AK5: variants seen among roughly 807,000 people sequenced by gnomAD.
The protein encoded by AK5 is adenylate kinase isoenzyme 5.
AK5 carries 27 observed loss-of-function variants against 69.5 expected under a neutral mutation model. That is an observed-to-expected ratio of 0.39 (90% CI 0.29 to 0.54). The LOEUF is 0.54. Ranked by LOEUF, AK5 falls within the 20% of genes least tolerant of loss-of-function variation. The probability of loss-of-function intolerance (pLI) is 0.71; values close to 1 mark genes in which losing one functional copy is unlikely to be tolerated. For synonymous variants in AK5, 260 were observed against 244.4 expected, an observed-to-expected ratio of 1.06 and a Z score of -0.60; for missense variants, 531 against 700.4, an observed-to-expected ratio of 0.76 and a Z score of 2.73.
chr1:77,364,500 C>A (rs964153831), intron 6 of AK5, among the ~76,000 whole-genome samples: 6 of 151,972 alleles, frequency 3.9e-5, no homozygotes, highest in Non-Finnish European at 8.8e-5. Context: ...ATTTTGTAGC[C>A]CTTAACAAAT....
chr1:77,516,174 C>A (rs1657630512), intron 10 of AK5, among the ~76,000 whole-genome samples: 1 of 152,172 alleles, frequency 6.6e-6, no homozygotes, highest in Non-Finnish European at 1.5e-5. Context: ...TTTGTGACAA[C>A]ATATTGGAAG....
At chr1:77,458,349 T>A (rs775741033) in intron 8 of AK5, among the ~76,000 whole-genome samples, 1 of 152,154 alleles carries the variant, frequency 6.6e-6, no homozygotes, top group Non-Finnish European at 1.5e-5. Context: ...ACAGTGACCC[T>A]CCTGTGCACC....
At chr1:77,464,180 A>C (rs1294149980) in intron 8 of AK5, among the ~76,000 whole-genome samples, 1 of 152,122 alleles carries the variant, frequency 6.6e-6, no homozygotes, top group Non-Finnish European at 1.5e-5. Context: ...AGACAGTTTT[A>C]ATGGGTGAAA....
rs547034433 is a variant in AK5 at position 77,488,644 on chromosome 1, G to A, written c.1147+2292G>A. The stretch of plus-strand genomic sequence containing the variant: ...GGAGCAAGGAGAGCCAGTCCGAGTC[G>A]CAAAACTGAAGAACTTGGAGTTTGA... On this transcript the variant is annotated intron_variant, in intron 10 of 13. Coordinates refer to ENST00000354567, the MANE Select transcript of AK5 (RefSeq NM_174858.3). Among the ~76,000 whole-genome samples the A allele has an allele frequency of 5.3e-5, 8 of 152,306 alleles. No individual in the cohort carries two copies. The East Asian group carries it at 5.8e-4, about 11-fold the overall frequency.
At chr1:77,476,549 C>G (rs1654945901) in intron 8 of AK5, among the ~76,000 whole-genome samples, 1 of 152,178 alleles carries the variant, frequency 6.6e-6, no homozygotes, top group Admixed American at 6.5e-5. Context: ...ATCTTCGTTT[C>G]TATTCATATG....
At chr1:77,475,425 T>TTA (rs5775406) in intron 8 of AK5, among the ~76,000 whole-genome samples, 50 of 2,636 alleles carry the variant, frequency 0.019, 2 homozygotes, top group South Asian at 0.036. Context: ...ATACTATATA[T>TTA]TATATATATG....
At chr1:77,527,603 C>T (rs1477545113) in intron 12 of AK5, among the ~76,000 whole-genome samples, 2 of 152,208 alleles carry the variant, frequency 1.3e-5, no homozygotes, top group African/African-American at 2.4e-5. Flanking sequence ...AGATTTTAGA[C>T]ATCTACAAAG....
At chr1:77,325,520 G>A (rs1660755685) in intron 5 of AK5, among the ~76,000 whole-genome samples, 1 of 151,976 alleles carries the variant, frequency 6.6e-6, no homozygotes, top group Admixed American at 6.6e-5. Flanking sequence ...AAGTTGCTGG[G>A]GAAAGACAAC....
chr1:77,363,212 G>C (rs1281040206), intron 6 of AK5, among the ~76,000 whole-genome samples: 1 of 152,120 alleles, frequency 6.6e-6, no homozygotes, highest in Non-Finnish European at 1.5e-5. Flanking sequence ...CTCCATTTCT[G>C]TTGGTGGCAC....
intron 8 of AK5, among the ~76,000 whole-genome samples, chr1:77,452,846 A>G (rs1282371044): frequency 6.6e-6 from 1 of 152,234 alleles, no homozygotes; most frequent in African/African-American, 2.4e-5. Flanking sequence ...ACCTACAGCC[A>G]GAGTCCAGAA....
intron 5 of AK5, among the ~76,000 whole-genome samples, chr1:77,338,211 C>A (rs1661470457): frequency 6.6e-6 from 1 of 152,078 alleles, no homozygotes; most frequent in Non-Finnish European, 1.5e-5. Flanking sequence ...GATCTGCCTG[C>A]CTCAGCTTCC....
intron 6 of AK5, among the ~76,000 whole-genome samples, chr1:77,367,551 T>TTTTATATATA (rs1553139653): frequency 1.0e-4 from 2 of 19,718 alleles, no homozygotes; most frequent in African/African-American, 2.2e-4. Flanking sequence ...CTCATTTATG[T>TTTTATATATA]TATTTTTATA....
At chr1:77,548,156 A>G (rs1446902608) in intron 13 of AK5, among the ~76,000 whole-genome samples, 4 of 152,240 alleles carry the variant, frequency 2.6e-5, no homozygotes, top group Non-Finnish European at 4.4e-5. Flanking sequence ...TACTATGGGA[A>G]GTCCTATTTA....
chr1:77,285,126 C>A (rs1056967522), intron 1 of AK5, among the ~76,000 whole-genome samples: 1 of 152,192 alleles, frequency 6.6e-6, no homozygotes, highest in Admixed American at 6.5e-5. Flanking sequence ...TCACTAATAT[C>A]TCTGAGCCAT....
rs878922589 is a variant in AK5, at chr1:77,558,710, C to CAT, written c.*41_*42dup. 7.3e-7 allele frequency: 1 copy of CAT among 1,373,942 alleles called. No individual in the cohort carries two copies. Among genetic ancestry groups the CAT allele is most frequent in the South Asian group, 1.2e-5 (1 of 83,798 alleles). 85.1% of individuals were successfully genotyped at this position (1,373,942 alleles called of 1,614,324 possible). A position where few individuals can be genotyped will look rare whatever the true frequency, so the allele number is the denominator to read the frequency against. ...GTTTGTTAGAATGGAAACAGAAAAACATTAAAAAGTTCATTCCTTAACACA... is the reference window on the plus strand; with the variant it reads ...GTTTGTTAGAATGGAAACAGAAAAACATATTAAAAAGTTCATTCCTTAACACA... On this transcript the variant is annotated 3_prime_UTR_variant, in exon 14 of 14. Transcript: ENST00000354567.
At position 77,293,869 on chromosome 1, in the gene AK5, T is replaced by C; in HGVS notation, c.324T>C (p.Ser108=). The C allele has an allele frequency of 6.2e-7, 1 of 1,613,800 alleles. No homozygotes were observed. Among genetic ancestry groups the C allele is most frequent in the Non-Finnish European group, 8.5e-7 (1 of 1,179,870 alleles). The change falls in exon 3 of 14, where the codon AGT becomes AGC. Residue 108 remains serine (S), a synonymous_variant. Transcript: ENST00000354567. ...LPPIHQFSIE[S]DTDLSETAEL... is the part of the protein sequence containing the mutation. ...CAATCCATCAATTCTCCATAGAAAG[T>C]GACACGGATCTCTCTGAGACTGCAG...
At chr1:77,490,269 A>T (rs886212888) in intron 10 of AK5, among the ~76,000 whole-genome samples, 4 of 152,042 alleles carry the variant, frequency 2.6e-5, no homozygotes, top group African/African-American at 9.7e-5. Flanking sequence ...CTACCCTCTC[A>T]CTGAGAGCAA....
Position 77,282,300 on chromosome 1 carries a change from C to A in AK5, c.-14C>A. ...GCCTCCCCGCTTGCGCCCCAAGGCA[C>A]GCGCGGCACAGCCATGAACACCAAC... On this transcript the variant is annotated 5_prime_UTR_variant, in exon 1 of 14. Coordinates refer to ENST00000354567, the MANE Select transcript of AK5 (RefSeq NM_174858.3). 6.5e-7 allele frequency: 1 copy of A among 1,547,814 alleles called. No homozygotes were observed. The highest frequency in any genetic ancestry group is 8.7e-7 in the Non-Finnish European group (1 of 1,146,134).
At chr1:77,330,649 T>G (rs1437728450) in intron 5 of AK5, among the ~76,000 whole-genome samples, 3 of 152,234 alleles carry the variant, frequency 2.0e-5, no homozygotes, top group African/African-American at 7.2e-5. Flanking sequence ...TGCTTTATTC[T>G]TTTTCCTCAA....
Sources: allele counts gnomAD v4.1 joint callset (sites outside exome capture counted in the v4.1 genomes callset), GRCh38; gene constraint gnomAD v4.1.1; transcripts MANE v1.5; gene names NCBI Gene and HGNC (gene_info 2026-07-23, HGNC 2026-07-21).